The following SRGAP2B variants were observed in gnomAD, a reference collection of about 807,000 sequenced individuals.
SRGAP2B encodes the protein SLIT-ROBO Rho GTPase activating protein 2B, also known as SLIT-ROBO Rho GTPase-activating protein 2B.
In SRGAP2B, 9 loss-of-function variants were observed where a neutral mutation model predicts 22.2. That is an observed-to-expected ratio of 0.41 (90% CI 0.24 to 0.71). The LOEUF (loss-of-function observed/expected upper bound fraction) is 0.71. Ranked by LOEUF, SRGAP2B falls within the 30% of genes least tolerant of loss-of-function variation. The probability of loss-of-function intolerance (pLI) is 0.35; values close to 1 mark genes in which losing one functional copy is unlikely to be tolerated. For synonymous variants in SRGAP2B, 36 were observed against 87.4 expected (o/e 0.41, Z 3.28); for missense variants, 114 against 235.8 (o/e 0.48, Z 3.38).
chr1:144,967,001 G>C (rs1425972121), intron 3 of SRGAP2B, among the ~76,000 whole-genome samples: 4 of 126,398 alleles, frequency 3.2e-5, no homozygotes, highest in Non-Finnish European at 4.8e-5. Context: ...CAAGTCCTGA[G>C]TGACCTACAA....
intron 2 of SRGAP2B, among the ~76,000 whole-genome samples, chr1:145,012,326 G>A (rs1672115539): frequency 6.7e-6 from 1 of 148,612 alleles, no homozygotes; most frequent in Admixed American, 6.7e-5. Context: ...TGGGTGATGG[G>A]ATTTGGAACA....
At position 145,064,673 on chromosome 1, in the gene SRGAP2B, G is replaced by A. The variant is rs1433324164; in HGVS notation, c.67+28162C>T. 4.0e-5 allele frequency among the ~76,000 whole-genome samples: 6 copies of A among 149,904 alleles called. No individual in the cohort carries two copies. The East Asian group carries it at 1.2e-3, about 29-fold the overall frequency. On this transcript the variant is annotated intron_variant, in intron 2 of 9. Coordinates refer to ENST00000612199, the Ensembl canonical transcript of SRGAP2B. ...CAGAGAAGAAATCTGAGTCTGTCCT[G>A]TCCTTGCAGCTGTCTTAGATCAGAG...
chr1:145,034,236 A>G, intron 2 of SRGAP2B, among the ~76,000 whole-genome samples: 1 of 76,946 alleles, frequency 1.3e-5, no homozygotes, highest in South Asian at 7.3e-4. Context: ...TCCTTTCCCC[A>G]TTACAACTCC....
At chr1:144,924,627 G>A (rs1427523567) in intron 4 of SRGAP2B, among the ~76,000 whole-genome samples, 307 of 151,484 alleles carry the variant, frequency 2.0e-3, no homozygotes, top group Non-Finnish European at 2.9e-3. Flanking sequence ...AGCTATTCGG[G>A]AGGCTGAGGC....
At chr1:144,989,007 T>C in intron 3 of SRGAP2B, among the ~76,000 whole-genome samples, 1 of 137,378 alleles carries the variant, frequency 7.3e-6, no homozygotes, top group Non-Finnish European at 1.5e-5. Context: ...CACTTTTTTT[T>C]TTTTTTTTTT....
intron 3 of SRGAP2B, among the ~76,000 whole-genome samples, chr1:144,980,526 A>G (rs1224977911): frequency 6.6e-6 from 1 of 151,894 alleles, no homozygotes; most frequent in Admixed American, 6.6e-5. Flanking sequence ...TGTTGAAGAT[A>G]ATCCTAGTTT....
intron 2 of SRGAP2B, among the ~76,000 whole-genome samples, chr1:145,075,961 A>G (rs1229238641): frequency 1.3e-5 from 2 of 149,796 alleles, no homozygotes; most frequent in Non-Finnish European, 3.0e-5. Flanking sequence ...GGTGGCACGC[A>G]CCTATAATCC....
chr1:144,931,269 G>GAA (rs782016806), intron 4 of SRGAP2B, among the ~76,000 whole-genome samples: 4 of 149,870 alleles, frequency 2.7e-5, no homozygotes, highest in Admixed American at 6.6e-5. Context: ...AAAGCTTAGA[G>GAA]AGGTCAAAAA....
chr1:144,965,284 T>C, intron 3 of SRGAP2B: 1 of 435,264 alleles, frequency 2.3e-6, no homozygotes, highest in Non-Finnish European at 4.3e-6. Context: ...AGCACGCAGC[T>C]GGAGATCTGA....
At chr1:145,002,533 T>C (rs1242931428) in intron 2 of SRGAP2B, among the ~76,000 whole-genome samples, 3 of 121,976 alleles carry the variant, frequency 2.5e-5, no homozygotes, top group African/African-American at 1.1e-4. Context: ...CTGGTCAACA[T>C]AGCAAGACCT....
intron 2 of SRGAP2B, among the ~76,000 whole-genome samples, chr1:145,067,287 TAA>T (rs782756643): frequency 2.5e-4 from 29 of 116,756 alleles, no homozygotes; most frequent in Non-Finnish European, 3.1e-4. Context: ...AGACTCTGTC[TAA>T]AAAAAAAAAA....
intron 3 of SRGAP2B, among the ~76,000 whole-genome samples, chr1:144,960,426 C>T (rs1196948330): frequency 6.6e-6 from 1 of 150,568 alleles, no homozygotes; most frequent in Non-Finnish European, 1.5e-5. Context: ...ACTGTAAATG[C>T]ACTGAAAGAG....
intron 2 of SRGAP2B, among the ~76,000 whole-genome samples, chr1:145,006,939 T>G (rs1671640379): frequency 1.3e-5 from 2 of 150,932 alleles, no homozygotes; most frequent in South Asian, 4.2e-4. Context: ...ATTTTAATTG[T>G]AGTTCTGCCA....
intron 4 of SRGAP2B, among the ~76,000 whole-genome samples, chr1:144,928,351 TA>T (rs1664898576): frequency 6.8e-6 from 1 of 146,502 alleles, no homozygotes; most frequent in South Asian, 2.1e-4. Flanking sequence ...ATACTTTGTT[TA>T]AGTTTGTTCC....
At chr1:144,961,049 AC>A (rs1667625352) in intron 3 of SRGAP2B, among the ~76,000 whole-genome samples, 1 of 77,884 alleles carries the variant, frequency 1.3e-5, no homozygotes, top group Non-Finnish European at 2.6e-5. Flanking sequence ...CATGCTTCTC[AC>A]CCGGCTCTGG....
In SRGAP2B at chr1:144,994,948, C is replaced by G. The variant is rs1237459492; in HGVS notation, c.260+60G>C. On this transcript the variant is annotated intron_variant, in intron 3 of 9. Transcript: ENST00000612199. ...TGGATCTAAGTGGCATACCCTGCCC[C>G]CCTCCACCCTGGACCCCATATTCCA... is the stretch of plus-strand genomic sequence containing the variant. 2.9e-4 allele frequency: 258 copies of G among 886,384 alleles called. 18 individuals are homozygous for G. In the African/African-American group the frequency reaches 4.3e-3, roughly 15 times the overall value. The allele number at this position is 886,384 out of a possible 1,614,324, so 54.9% of individuals were successfully genotyped here.
intron 3 of SRGAP2B, among the ~76,000 whole-genome samples, chr1:144,983,167 C>G (rs1669433559): frequency 6.9e-6 from 1 of 145,860 alleles, no homozygotes; most frequent in Admixed American, 6.7e-5. Context: ...CAAGGTCACT[C>G]CATAAGTCAA....
chr1:144,956,574 A>G (rs587736324), intron 3 of SRGAP2B, among the ~76,000 whole-genome samples: 1 of 118,458 alleles, frequency 8.4e-6, no homozygotes, highest in South Asian at 2.7e-4. Context: ...CAGCCTCCCT[A>G]GTAGCTGGGA....
At chr1:144,964,685 G>A (rs1558785442) in intron 3 of SRGAP2B, among the ~76,000 whole-genome samples, 2 of 151,082 alleles carry the variant, frequency 1.3e-5, no homozygotes, top group Non-Finnish European at 2.9e-5. Context: ...GCTTAGCTCT[G>A]CCACTTACTA....
Sources: gnomAD v4.1 joint callset for allele counts (sites outside exome capture counted in the v4.1 genomes callset) on GRCh38, gnomAD v4.1.1 for gene constraint, MANE v1.5 for transcripts, NCBI Gene and HGNC (gene_info 2026-07-23, HGNC 2026-07-21) for gene names.